TUBA1C: variants seen among roughly 807,000 people sequenced by gnomAD.
TUBA1C encodes the protein tubulin alpha-1C chain.
A neutral mutation model predicts 34.9 loss-of-function variants in TUBA1C; 16 were observed. The observed-to-expected ratio is 0.46, with a 90% CI of 0.31 to 0.70. The LOEUF (loss-of-function observed/expected upper bound fraction) is 0.70, where lower values mean the gene tolerates loss of function less well. TUBA1C is among the 30% of genes least tolerant of loss of function. The pLI, the probability that TUBA1C is intolerant of heterozygous loss-of-function variation, is 0.05. For missense variants in TUBA1C, 329 were observed against 587.3 expected, an observed-to-expected ratio of 0.56 and a Z score of 4.55; for synonymous variants, 177 against 215.9, an observed-to-expected ratio of 0.82 and a Z score of 1.58.
chr12:49,243,097 C>T (rs1011337949), intron 1 of TUBA1C, among the ~76,000 whole-genome samples: 7 of 152,152 alleles, frequency 4.6e-5, no homozygotes, highest in Admixed American at 2.0e-4. Context: ...TGTGAACCAC[C>T]GTGCCCGGTC....
intron 1 of TUBA1C, among the ~76,000 whole-genome samples, chr12:49,239,659 A>G (rs1942591713): frequency 6.6e-6 from 1 of 151,844 alleles, no homozygotes; most frequent in Admixed American, 6.6e-5. Flanking sequence ...AAAAAAAAAA[A>G]AGAAATAAAT....
In TUBA1C at chr12:49,273,027, G is replaced by A. The variant is rs544657963; in HGVS notation, c.1150G>A (p.Val384Ile). ...AVCMLSNTTAVAEAWARLDHK... is the reference protein window; with the variant it reads ...AVCMLSNTTAIAEAWARLDHK... Reference sequence around the variant, plus strand: ...GTGCATGCTGAGCAATACCACAGCTGTTGCCGAGGCCTGGGCTCGCCTGGA... The same window carrying A: ...GTGCATGCTGAGCAATACCACAGCTATTGCCGAGGCCTGGGCTCGCCTGGA... The change falls in exon 4 of 4, where the codon GTT becomes ATT. Residue 384 changes from valine to isoleucine, a missense_variant. By Grantham distance (29) the Val-to-Ile change is conservative (BLOSUM62 3). This residue lies in a region of TUBA1C where 140 missense variants were observed against 289.8 expected (regional missense o/e 0.48). Transcript: ENST00000301072. The A allele has an allele frequency of 4.5e-5, 73 of 1,614,194 alleles. No individual in the cohort carries two copies. The Admixed American group carries it at 7.3e-4, about 16-fold the overall frequency.
chr12:49,234,285 C>G lies in TUBA1C; in HGVS notation c.213+6119C>G, dbSNP rs1462256054. ...TAAAGCAGGAGAGAATAAATGAAAG[C>G]AGTCCCCTACCAGGTTCTAATTTTC... On this transcript the variant is annotated intron_variant, in intron 1 of 3. Coordinates refer to the TUBA1C transcript ENST00000541364. The G allele has an allele frequency of 3.9e-5, 6 of 152,356 alleles. No individual in the cohort carries two copies. The Middle Eastern group carries it at 0.014, about 345-fold the overall frequency. The allele number at this position is 152,356 out of a possible 1,614,324, so 9.4% of individuals were successfully genotyped here. A position where few individuals can be genotyped will look rare whatever the true frequency, so the allele number is the denominator to read the frequency against.
intron 1 of TUBA1C, among the ~76,000 whole-genome samples, chr12:49,249,389 T>C (rs1377299975): frequency 2.0e-5 from 3 of 152,064 alleles, no homozygotes; most frequent in Non-Finnish European, 2.9e-5. Context: ...ATGGCGCCAC[T>C]GCACTCCAGC....
intron 1 of TUBA1C, among the ~76,000 whole-genome samples, chr12:49,251,810 A>G (rs1425480307): frequency 6.6e-6 from 1 of 152,028 alleles, no homozygotes; most frequent in African/African-American, 2.4e-5. Flanking sequence ...AACACGACCA[A>G]GTTGTATTTA....
chr12:49,227,971 TG>T lies in TUBA1C; in HGVS notation c.22del (p.Val8TrpfsTer4). On this transcript the variant is annotated frameshift_variant, in exon 1 of 4. Transcript: ENST00000541364. LOFTEE classifies it high-confidence loss of function. ...GCTCTAAAATGACAGCCTGGTTCAA[TG>T]GGGTGGAGGAGCTAGGGAGGGATGA... is the stretch of plus-strand genomic sequence containing the variant. 1.3e-6 allele frequency: 2 copies of T among 1,535,684 alleles called. No individual in the cohort carries two copies. The highest frequency in any genetic ancestry group is 2.4e-5 in the South Asian group (2 of 84,068).
chr12:49,253,717 AG>A (rs1285292098), intron 1 of TUBA1C, among the ~76,000 whole-genome samples: 1 of 152,128 alleles, frequency 6.6e-6, no homozygotes, highest in Non-Finnish European at 1.5e-5. Context: ...TTGTAGGGAC[AG>A]GGTCTCACTA....
chr12:49,267,211 G>T (rs759685463), intron 1 of TUBA1C, among the ~76,000 whole-genome samples: 1 of 152,196 alleles, frequency 6.6e-6, no homozygotes, highest in Non-Finnish European at 1.5e-5. Flanking sequence ...AATTGCGGGC[G>T]CAAAATAGAA....
rs201018194 is a variant in TUBA1C, at chr12:49,240,296, G to GAAA, written c.213+12147_213+12149dup. Among the ~76,000 whole-genome samples the GAAA allele has an allele frequency of 2.0e-3, 165 of 81,964 alleles. 1 individual carries two copies. The highest frequency in any genetic ancestry group is 6.4e-3 in the African/African-American group (150 of 23,610). The allele number at this position is 81,964 out of a possible 152,430, so 53.8% of individuals were successfully genotyped here. ...TTTTGAGAATATGTGACCATTCTCT[G>GAAA]AAAAAAAAAAAAAAAAAAAGAAAGA... On this transcript the variant is annotated intron_variant, in intron 1 of 3. Coordinates refer to the TUBA1C transcript ENST00000541364.
intron 1 of TUBA1C, among the ~76,000 whole-genome samples, chr12:49,247,406 A>C (rs1341842683): frequency 1.3e-5 from 2 of 152,050 alleles, no homozygotes; most frequent in Admixed American, 6.6e-5. Flanking sequence ...AAAATACAAA[A>C]ATTAGCTGAA....
chr12:49,246,643 C>G (rs952972629), intron 1 of TUBA1C, among the ~76,000 whole-genome samples: 1 of 151,790 alleles, frequency 6.6e-6, no homozygotes, highest in Non-Finnish European at 1.5e-5. Context: ...CCACTGCACT[C>G]TAGCCTGGGC....
At chr12:49,261,387 C>T (rs1297359122), upstream of TUBA1C, among the ~76,000 whole-genome samples, 1 of 152,164 alleles carries the variant, frequency 6.6e-6, no homozygotes, top group East Asian at 1.9e-4. Flanking sequence ...TAGGACTTCC[C>T]TTTCCCTGTT....
intron 1 of TUBA1C, among the ~76,000 whole-genome samples, chr12:49,242,297 T>A (rs989569788): frequency 2.6e-5 from 4 of 152,060 alleles, no homozygotes; most frequent in Non-Finnish European, 5.9e-5. Flanking sequence ...GGCCAAAAGT[T>A]TACAGCCTTC....
intron 1 of TUBA1C, among the ~76,000 whole-genome samples, chr12:49,247,815 G>C (rs2136999597): frequency 6.7e-6 from 1 of 149,670 alleles, no homozygotes; most frequent in Middle Eastern, 3.7e-3. Context: ...AGGCATGGTG[G>C]CATGCACCTG....
rs113331886 is a variant in TUBA1C at position 49,272,387 on chromosome 12, C to A, written c.510C>A (p.Ser170=). 1.2e-6 allele frequency: 2 copies of A among 1,613,920 alleles called. No individual in the cohort carries two copies. The highest frequency in any genetic ancestry group is 2.2e-5 in the East Asian group (1 of 44,846). ...GCAAGAAGTCCAAGCTGGAGTTCTC[C>A]ATTTACCCGGCGCCCCAGGTTTCCA... The part of the protein sequence containing the change: ...DYGKKSKLEF[S]IYPAPQVSTA... Residue 170 remains serine, a synonymous_variant, in exon 4 of 4, where the codon TCC becomes TCA. Transcript: ENST00000301072.
At chr12:49,253,086 TAA>T (rs896502071) in intron 1 of TUBA1C, among the ~76,000 whole-genome samples, 158 of 95,496 alleles carry the variant, frequency 1.7e-3, no homozygotes, top group African/African-American at 3.2e-3. Flanking sequence ...GACCCTATCT[TAA>T]AAAAAAAAAA....
intron 1 of TUBA1C, chr12:49,233,046 A>C (rs1942513354): frequency 6.6e-6 from 1 of 152,222 alleles, no homozygotes; most frequent in African/African-American, 2.4e-5. Context: ...CGATTTTCCA[A>C]GGGAGAACAA....
intron 1 of TUBA1C, among the ~76,000 whole-genome samples, chr12:49,232,256 C>A (rs10875937): frequency 0.16 from 23,952 of 152,160 alleles, 2,038 homozygotes; most frequent in African/African-American, 0.22. Context: ...ATAAATTCCC[C>A]GGAAATAAAC....
intron 1 of TUBA1C, among the ~76,000 whole-genome samples, chr12:49,240,732 C>T (rs540390311): frequency 4.6e-5 from 7 of 152,242 alleles, no homozygotes; most frequent in East Asian, 1.9e-4. Flanking sequence ...GCACTACAGG[C>T]GTGCACCACC....
Sources: gnomAD v4.1 joint callset for allele counts (sites outside exome capture counted in the v4.1 genomes callset) on GRCh38, gnomAD v4.1.1 for gene constraint, gnomAD v4.1.1 regional missense constraint, MANE v1.5 for transcripts, NCBI Gene and HGNC (gene_info 2026-07-23, HGNC 2026-07-21) for gene names.